Variants in HDAC4 observed in about 807,000 individuals in gnomAD.
HDAC4 encodes histone deacetylase A.
HDAC4 carries 16 observed loss-of-function variants against 135.1 expected under a neutral mutation model. That is an observed-to-expected ratio of 0.12 (90% CI 0.08 to 0.18). The LOEUF is 0.18. Ranked by LOEUF, HDAC4 falls within the 10% of genes least tolerant of loss-of-function variation. The pLI is 1.00. For missense variants in HDAC4, 1,143 were observed against 1,511.8 expected, an observed-to-expected ratio of 0.76 and a Z score of 4.05; for synonymous variants, 685 against 653.4, an observed-to-expected ratio of 1.05 and a Z score of -0.74.
chr2:239,138,627 C>T (rs1366537752), intron 9 of HDAC4, among the ~76,000 whole-genome samples: 4 of 152,200 alleles, frequency 2.6e-5, no homozygotes, highest in African/African-American at 9.7e-5. Context: ...GCCCTGCAGT[C>T]AGGCCCACCC....
At chr2:239,387,108 T>G (rs1695866951) in intron 1 of HDAC4, among the ~76,000 whole-genome samples, 1 of 152,234 alleles carries the variant, frequency 6.6e-6, no homozygotes, top group South Asian at 2.1e-4. Flanking sequence ...GCTTGCTGTG[T>G]GTGGCACGTG....
chr2:239,401,634 C>A (rs1697008322), upstream of HDAC4: 1 of 250,120 alleles, frequency 4.0e-6, no homozygotes, highest in African/African-American at 2.4e-5. Flanking sequence ...CCGCGGCGTC[C>A]ATCTTGGATA....
In HDAC4 at chr2:239,139,826, T is replaced by C. The variant is rs752693799; in HGVS notation, c.866-30A>G. 1.9e-6 allele frequency: 3 copies of C among 1,592,282 alleles called. No individual in the cohort carries two copies. The highest frequency in any genetic ancestry group is 2.6e-6 in the Non-Finnish European group (3 of 1,160,640). ...GGAGGCAGAAATACCCTGGTGAGTG[T>C]TACTCCATGCGGAGGGAGGGCCGTG... On this transcript the variant is annotated intron_variant, in intron 8 of 26. Coordinates refer to ENST00000543185, the MANE Select transcript of HDAC4 (RefSeq NM_001378414.1). This position sits in a 1 kb window ranked among gnomAD's most constrained non-coding sequence, Gnocchi z 5.3.
At chr2:239,351,068 C>T (rs190353081) in intron 2 of HDAC4, among the ~76,000 whole-genome samples, 1 of 152,338 alleles carries the variant, frequency 6.6e-6, no homozygotes, top group East Asian at 1.9e-4. Flanking sequence ...CATCCTCTTA[C>T]ACTGGAATTA....
chr2:239,237,160 G>A (rs142583433), intron 2 of HDAC4, among the ~76,000 whole-genome samples: 2 of 152,222 alleles, frequency 1.3e-5, no homozygotes, highest in African/African-American at 4.8e-5. Context: ...GGAGGAGAAC[G>A]CTTCACCAGG....
chr2:239,129,990 T>C (rs567887694), intron 11 of HDAC4, among the ~76,000 whole-genome samples: 1 of 152,276 alleles, frequency 6.6e-6, no homozygotes, highest in South Asian at 2.1e-4. Context: ...CACACTGGGA[T>C]TCTGTTTAGG....
intron 26 of HDAC4, 23 bp downstream of exon 26, chr2:239,053,437 C>T (rs371413159): frequency 4.7e-5 from 75 of 1,608,752 alleles, no homozygotes; most frequent in African/African-American, 4.4e-4. Flanking sequence ...AGCCTGCAGG[C>T]GGGCGGCAGG....
chr2:239,348,488 C>T (rs1487184604), intron 2 of HDAC4, among the ~76,000 whole-genome samples: 1 of 152,216 alleles, frequency 6.6e-6, no homozygotes, highest in East Asian at 1.9e-4. Context: ...CCCTTAACCA[C>T]AAGGAAAGAC....
chr2:239,361,441 G>T (rs1693861316), intron 1 of HDAC4, among the ~76,000 whole-genome samples: 1 of 152,168 alleles, frequency 6.6e-6, no homozygotes, highest in Admixed American at 6.5e-5. Flanking sequence ...GCCTGCAGAG[G>T]GCTGCCATGA....
chr2:239,366,126 C>T (rs1003797963), intron 1 of HDAC4, among the ~76,000 whole-genome samples: 2 of 147,836 alleles, frequency 1.4e-5, no homozygotes, highest in African/African-American at 5.0e-5. Context: ...GTGGCACTGG[C>T]GGACACAAAC....
intron 2 of HDAC4, among the ~76,000 whole-genome samples, chr2:239,317,517 G>A (rs1196468804): frequency 2.0e-5 from 3 of 152,176 alleles, no homozygotes; most frequent in Non-Finnish European, 4.4e-5. Context: ...CAAAACGGGA[G>A]GGACCTGCCA....
At chr2:239,312,195 C>T (rs1344765786) in intron 2 of HDAC4, among the ~76,000 whole-genome samples, 1 of 152,192 alleles carries the variant, frequency 6.6e-6, no homozygotes, top group Admixed American at 6.5e-5. Flanking sequence ...CACCCCTGGG[C>T]AGGGCAGGAC....
chr2:239,207,636 C>T (rs2046121111), intron 3 of HDAC4, among the ~76,000 whole-genome samples: 1 of 152,130 alleles, frequency 6.6e-6, no homozygotes, highest in Admixed American at 6.5e-5. Flanking sequence ...ATGAAGTAGA[C>T]ACATTTCTAG....
At chr2:239,399,827 T>C (rs150578337) in intron 1 of HDAC4, among the ~76,000 whole-genome samples, 1 of 152,244 alleles carries the variant, frequency 6.6e-6, no homozygotes, top group Non-Finnish European at 1.5e-5. Flanking sequence ...AAGAAAGTCA[T>C]TAGTTTTAAA....
intron 3 of HDAC4, among the ~76,000 whole-genome samples, chr2:239,195,755 G>A (rs981288403): frequency 6.6e-6 from 1 of 152,220 alleles, no homozygotes; most frequent in Non-Finnish European, 1.5e-5. Flanking sequence ...TATAGGTTGT[G>A]CCTTGAGAAA....
At chr2:239,174,997 G>C (rs1451595076) in intron 5 of HDAC4, among the ~76,000 whole-genome samples, 1 of 152,162 alleles carries the variant, frequency 6.6e-6, no homozygotes, top group Non-Finnish European at 1.5e-5. Context: ...AAGTGCATAA[G>C]GACTTCTCTT....
chr2:239,265,694 C>T (rs1433977058), intron 2 of HDAC4, among the ~76,000 whole-genome samples: 1 of 152,272 alleles, frequency 6.6e-6, no homozygotes, highest in East Asian at 1.9e-4. Context: ...CACAAAGACA[C>T]AGCCACCAGG....
intron 21 of HDAC4, 112 bp downstream of exon 21, chr2:239,081,990 C>T (rs1370324082): frequency 1.6e-5 from 19 of 1,174,230 alleles, no homozygotes; most frequent in Admixed American, 5.3e-5. Context: ...TAAGTGAGCA[C>T]GAAGGCCGCA....
intron 2 of HDAC4, among the ~76,000 whole-genome samples, chr2:239,328,225 C>T (rs188844284): frequency 1.6e-4 from 24 of 152,344 alleles, no homozygotes; most frequent in Non-Finnish European, 2.9e-4. Flanking sequence ...GTGTGCTCCC[C>T]GGTAACCCAG....
Sources: gnomAD v4.1 joint callset for allele counts (sites outside exome capture counted in the v4.1 genomes callset) on GRCh38, gnomAD v4.1.1 for gene constraint, Gnocchi (gnomAD v3.1) non-coding constraint, MANE v1.5 for transcripts, NCBI Gene and HGNC (gene_info 2026-07-23, HGNC 2026-07-21) for gene names.